UBE2E2: variants seen among roughly 807,000 people sequenced by gnomAD.
UBE2E2 encodes ubiquitin conjugating enzyme E2 E2, also known as ubiquitin-conjugating enzyme E2 E2.
In UBE2E2, 6 loss-of-function variants were observed where a neutral mutation model predicts 24.7. The observed-to-expected ratio is 0.24, with a 90% CI of 0.13 to 0.48. The LOEUF (loss-of-function observed/expected upper bound fraction) is 0.48, where lower values mean the gene tolerates loss of function less well. UBE2E2 is among the 20% of genes least tolerant of loss of function. UBE2E2 has a pLI of 0.99. For missense variants in UBE2E2, 169 were observed against 245.0 expected (o/e 0.69, Z 2.07); for synonymous variants, 104 against 83.6 (o/e 1.24, Z -1.33).
intron 3 of UBE2E2, among the ~76,000 whole-genome samples, chr3:23,253,465 A>G (rs1697634410): frequency 6.6e-6 from 1 of 151,544 alleles, no homozygotes; most frequent in Non-Finnish European, 1.5e-5. Flanking sequence ...TGAGACTTAA[A>G]ACAAGAAATT....
chr3:23,389,233 C>A (rs576176923), intron 3 of UBE2E2, among the ~76,000 whole-genome samples: 3 of 152,248 alleles, frequency 2.0e-5, no homozygotes, highest in Non-Finnish European at 4.4e-5. Flanking sequence ...CTCAAGCAAT[C>A]CTGCGGAGCA....
chr3:23,509,529 C>T (rs1333458307), intron 4 of UBE2E2, among the ~76,000 whole-genome samples: 1 of 151,688 alleles, frequency 6.6e-6, no homozygotes, highest in Non-Finnish European at 1.5e-5. Flanking sequence ...AATATCAATC[C>T]CTTTATGGCA....
intron 3 of UBE2E2, among the ~76,000 whole-genome samples, chr3:23,313,709 C>T (rs1046621412): frequency 1.3e-5 from 2 of 151,888 alleles, no homozygotes; most frequent in African/African-American, 4.8e-5. Context: ...TCCTTGCATC[C>T]ACTCTGTGTC....
At chr3:23,586,484 T>A (rs1380920597) in intron 5 of UBE2E2, among the ~76,000 whole-genome samples, 1 of 151,518 alleles carries the variant, frequency 6.6e-6, no homozygotes, top group Non-Finnish European at 1.5e-5. Context: ...TTTTGTGGAG[T>A]TGGGGGTCTC....
intron 3 of UBE2E2, among the ~76,000 whole-genome samples, chr3:23,416,254 A>G (rs879520436): frequency 5.3e-5 from 8 of 152,224 alleles, no homozygotes; most frequent in Non-Finnish European, 8.8e-5. Context: ...TGGTGGTGAC[A>G]AAATCTCTCA....
intron 3 of UBE2E2, among the ~76,000 whole-genome samples, chr3:23,451,775 C>T (rs1236228908): frequency 6.6e-6 from 1 of 152,054 alleles, no homozygotes; most frequent in African/African-American, 2.4e-5. Context: ...CATAGTCTCT[C>T]AACAAGAAAT....
At chr3:23,328,228 TTAGA>T (rs1694958636) in intron 3 of UBE2E2, among the ~76,000 whole-genome samples, 1 of 152,208 alleles carries the variant, frequency 6.6e-6, no homozygotes, top group African/African-American at 2.4e-5. Flanking sequence ...AAAAATTACA[TTAGA>T]TAATCTCTAA....
At chr3:23,297,805 T>G (rs1698954341) in intron 3 of UBE2E2, among the ~76,000 whole-genome samples, 2 of 152,268 alleles carry the variant, frequency 1.3e-5, no homozygotes, top group South Asian at 2.1e-4. Flanking sequence ...TTAAAGTAGT[T>G]TTTTCCAATT....
At chr3:23,223,943 A>G (rs765376998) in intron 3 of UBE2E2, among the ~76,000 whole-genome samples, 2 of 152,176 alleles carry the variant, frequency 1.3e-5, no homozygotes, top group Non-Finnish European at 2.9e-5. Flanking sequence ...TTTGTCAAAG[A>G]TAAGGTGGCT....
chr3:23,548,714 T>G (rs1437007500), intron 5 of UBE2E2, among the ~76,000 whole-genome samples: 1 of 152,196 alleles, frequency 6.6e-6, no homozygotes, highest in East Asian at 1.9e-4. Flanking sequence ...TTAACTTCAT[T>G]TAACCTTGCT....
chr3:23,340,257 G>T (rs1045677708), intron 3 of UBE2E2, among the ~76,000 whole-genome samples: 2 of 152,040 alleles, frequency 1.3e-5, no homozygotes, highest in African/African-American at 2.4e-5. Flanking sequence ...CATGTTTTCA[G>T]AATGCACAGT....
chr3:23,505,111 G>A (rs1490045400), intron 4 of UBE2E2, among the ~76,000 whole-genome samples: 1 of 148,836 alleles, frequency 6.7e-6, no homozygotes, highest in Non-Finnish European at 1.5e-5. Context: ...TGTAGAGACA[G>A]GGTTTTGCCA....
At chr3:23,385,055 C>T (rs1021169970) in intron 3 of UBE2E2, among the ~76,000 whole-genome samples, 1 of 151,888 alleles carries the variant, frequency 6.6e-6, no homozygotes, top group Non-Finnish European at 1.5e-5. Context: ...CTCAGCCTCC[C>T]AAGTAGCTGG....
intron 4 of UBE2E2, among the ~76,000 whole-genome samples, chr3:23,515,571 G>A (rs903598072): frequency 5.3e-5 from 8 of 152,236 alleles, no homozygotes; most frequent in South Asian, 4.1e-4. Context: ...ATTAGTATGG[G>A]TGTATAACCA....
At position 23,370,109 on chromosome 3, in the gene UBE2E2, C is replaced by T. The variant is rs188806875; in HGVS notation, c.228-129499C>T. Reference sequence around the variant, plus strand: ...TTCTGCTCTGTTGCATGTTTGTTTCCCCATCCTTTTACCATTGTTGCATTT... The same window carrying T: ...TTCTGCTCTGTTGCATGTTTGTTTCTCCATCCTTTTACCATTGTTGCATTT... On this transcript the variant is annotated intron_variant, in intron 3 of 5. Transcript: ENST00000396703. Among the ~76,000 whole-genome samples, 99 of 152,220 alleles carry T rather than the reference C, an allele frequency of 6.5e-4. 5 individuals are homozygous for T. In the East Asian group the frequency reaches 0.016, roughly 24 times the overall value.
chr3:23,478,891 TA>T (rs1215911031), intron 3 of UBE2E2, among the ~76,000 whole-genome samples: 27 of 34,962 alleles, frequency 7.7e-4, no homozygotes, highest in East Asian at 4.7e-3. Flanking sequence ...TATATATATA[TA>T]TATATTTTTT....
intron 5 of UBE2E2, among the ~76,000 whole-genome samples, chr3:23,579,652 A>G (rs1696431240): frequency 6.6e-6 from 1 of 151,696 alleles, no homozygotes; most frequent in South Asian, 2.1e-4. Context: ...GTGAACTACG[A>G]TCGTACCACT....
At chr3:23,490,096 T>C (rs1276806604) in intron 3 of UBE2E2, among the ~76,000 whole-genome samples, 1 of 152,186 alleles carries the variant, frequency 6.6e-6, no homozygotes, top group Non-Finnish European at 1.5e-5. Context: ...TTAATTCTGA[T>C]TGATTTTATG....
chr3:23,467,275 G>C (rs1481536918), intron 3 of UBE2E2, among the ~76,000 whole-genome samples: 1 of 152,162 alleles, frequency 6.6e-6, no homozygotes, highest in East Asian at 1.9e-4. Flanking sequence ...TTTTAAGTGT[G>C]TTTTTTACTT....
Sources: allele counts gnomAD v4.1 joint callset (sites outside exome capture counted in the v4.1 genomes callset), GRCh38; gene constraint gnomAD v4.1.1; transcripts MANE v1.5; gene names NCBI Gene and HGNC (gene_info 2026-07-23, HGNC 2026-07-21).